The following LEPROT variants were observed in gnomAD, a reference collection of about 807,000 sequenced individuals.
LEPROT encodes the protein leptin receptor overlapping transcript.
Under a neutral mutation model 15.4 loss-of-function variants are expected in LEPROT, and 3 were observed. The ratio of observed to expected loss-of-function variants is 0.19; its 90% confidence interval spans 0.09 to 0.50. LEPROT has a LOEUF of 0.50. Ranked by LOEUF, LEPROT falls within the 20% of genes least tolerant of loss-of-function variation. LEPROT has a pLI of 0.97. For missense variants in LEPROT, 137 were observed against 162.2 expected (o/e 0.84, Z 0.84); for synonymous variants, 59 against 57.5 (o/e 1.03, Z -0.12).
At chr1:65,422,849 G>A (rs1353109890) in intron 1 of LEPROT, among the ~76,000 whole-genome samples, 1 of 152,224 alleles carries the variant, frequency 6.6e-6, no homozygotes, top group African/African-American at 2.4e-5. Flanking sequence ...CTTGTAGGCT[G>A]TGGAAGCAAC....
At position 65,435,129 on chromosome 1, in the gene LEPROT, C is replaced by T; in HGVS notation, c.*3210C>T. The T allele has an allele frequency of 1.0e-6, 1 of 985,372 alleles. No individual in the cohort carries two copies. Among genetic ancestry groups the T allele is most frequent in the Non-Finnish European group, 1.2e-6 (1 of 829,914 alleles). The allele number at this position is 985,372 out of a possible 1,614,324, so 61.0% of individuals were successfully genotyped here. A position where few individuals can be genotyped will look rare whatever the true frequency, so the allele number is the denominator to read the frequency against. On this transcript the variant is annotated 3_prime_UTR_variant, in exon 4 of 4. Transcript: ENST00000371065. ...TATTTTGGGACAGGGAAAATCCTGTCATACCTCATCTCTTCCTCAGGAGGA... is the reference window on the plus strand; with the variant it reads ...TATTTTGGGACAGGGAAAATCCTGTTATACCTCATCTCTTCCTCAGGAGGA...
In LEPROT at chr1:65,429,842, TGCC is replaced by T. The variant is rs1234294615; in HGVS notation, c.93-19_93-17del. ...AACTGTTACTTTTCTTTTTGGATTT[TGCC>T]TGGGTCCAACTGACAGCGTTTACTG... On this transcript the variant is annotated splice_polypyrimidine_tract_variant and intron_variant, in intron 2 of 3. Coordinates refer to ENST00000371065, the MANE Select transcript of LEPROT (RefSeq NM_017526.5). 1 of 1,403,640 alleles carries T rather than the reference TGCC, an allele frequency of 7.1e-7. No homozygotes were observed. The highest frequency in any genetic ancestry group is 9.4e-7 in the Non-Finnish European group (1 of 1,064,806). 86.9% of individuals were successfully genotyped at this position (1,403,640 alleles called of 1,614,324 possible). A position where few individuals can be genotyped will look rare whatever the true frequency, so the allele number is the denominator to read the frequency against.
rs1311450774 is a variant in LEPROT, at chr1:65,425,564, G to C, written c.92+186G>C. Among the ~76,000 whole-genome samples, 3 of 152,310 alleles carry C rather than the reference G, an allele frequency of 2.0e-5. No homozygotes were observed. The East Asian group carries it at 5.8e-4, about 29-fold the overall frequency. On this transcript the variant is annotated intron_variant, in intron 2 of 3. Coordinates refer to ENST00000371065, the MANE Select transcript of LEPROT (RefSeq NM_017526.5). ...GCAGAGGGCTCTGTTAAAAATTGAT[G>C]TATTCATTCCATAAGCATTTGTTTA... is the stretch of plus-strand genomic sequence containing the variant.
rs1049500950 is a variant in LEPROT at position 65,433,328 on chromosome 1, A to G, written c.*1409A>G. The stretch of plus-strand genomic sequence containing the variant: ...GTCTTCCGTCCTGTAGGTCTTTTCT[A>G]TATAACTTTATGCCACCCTTAAATG... On this transcript the variant is annotated 3_prime_UTR_variant, in exon 4 of 4. Transcript: ENST00000371065. 2.0e-6 allele frequency: 2 copies of G among 985,288 alleles called. No homozygotes were observed. Among genetic ancestry groups the G allele is most frequent in the African/African-American group, 1.7e-5 (1 of 57,224 alleles). 61.0% of individuals were successfully genotyped at this position (985,288 alleles called of 1,614,324 possible). A position where few individuals can be genotyped will look rare whatever the true frequency, so the allele number is the denominator to read the frequency against.
At position 65,435,408 on chromosome 1, in the gene LEPROT, C is replaced by G. The variant is rs1372093384; in HGVS notation, c.*3489C>G. On this transcript the variant is annotated 3_prime_UTR_variant, in exon 4 of 4. Transcript: ENST00000371065. ...TTTGAGGCAGAGTCTCGCTCTGTTG[C>G]CCAGGCTGGAGTGCAGTGGTGCGAT... The G allele has an allele frequency of 1.2e-6, 1 of 815,936 alleles. No homozygotes were observed. Among genetic ancestry groups the G allele is most frequent in the Non-Finnish European group, 1.5e-6 (1 of 687,498 alleles). The allele number at this position is 815,936 out of a possible 1,614,324, so 50.5% of individuals were successfully genotyped here. A position where few individuals can be genotyped will look rare whatever the true frequency, so the allele number is the denominator to read the frequency against.
chr1:65,435,782 T>C lies in LEPROT; in HGVS notation c.*3863T>C, dbSNP rs1029715825. The C allele has an allele frequency of 1.9e-5, 19 of 981,002 alleles. No homozygotes were observed. Among genetic ancestry groups the C allele is most frequent in the African/African-American group, 3.5e-5 (2 of 57,140 alleles). 60.8% of individuals were successfully genotyped at this position (981,002 alleles called of 1,614,324 possible). ...GTAATTAGTTCACAACTGAGAAATA[T>C]TATGTCTGTAGTAGATAAATATTAG... is the stretch of plus-strand genomic sequence containing the variant. On this transcript the variant is annotated 3_prime_UTR_variant, in exon 4 of 4. Coordinates refer to ENST00000371065, the MANE Select transcript of LEPROT (RefSeq NM_017526.5).
chr1:65,429,581 A>G (rs9436300), intron 2 of LEPROT, among the ~76,000 whole-genome samples: 104,318 of 152,016 alleles, frequency 0.69, 36,801 homozygotes, highest in African/African-American at 0.79. Context: ...TTCTGTCTTT[A>G]AAGAAATTGT....
chr1:65,432,712 G>A lies in LEPROT; in HGVS notation c.*793G>A. 1 of 856,984 alleles carries A rather than the reference G, an allele frequency of 1.2e-6. No homozygotes were observed. The highest frequency in any genetic ancestry group is 1.4e-6 in the Non-Finnish European group (1 of 713,158). The allele number at this position is 856,984 out of a possible 1,614,324, so 53.1% of individuals were successfully genotyped here. A position where few individuals can be genotyped will look rare whatever the true frequency, so the allele number is the denominator to read the frequency against. ...AAAGGGTACAAAGCCTCAGTTAGGA[G>A]GAATAAGTGTGATTTTTTTTTAAAG... On this transcript the variant is annotated 3_prime_UTR_variant, in exon 4 of 4. Transcript: ENST00000371065.
rs1372093384 is a variant in LEPROT at position 65,435,408 on chromosome 1, C to T, written c.*3489C>T. On this transcript the variant is annotated 3_prime_UTR_variant, in exon 4 of 4. Coordinates refer to ENST00000371065, the MANE Select transcript of LEPROT (RefSeq NM_017526.5). ...TTTGAGGCAGAGTCTCGCTCTGTTG[C>T]CCAGGCTGGAGTGCAGTGGTGCGAT... 1 of 816,026 alleles carries T rather than the reference C, an allele frequency of 1.2e-6. No individual in the cohort carries two copies. Among genetic ancestry groups the T allele is most frequent in the East Asian group, 1.3e-4 (1 of 7,718 alleles). 50.5% of individuals were successfully genotyped at this position (816,026 alleles called of 1,614,324 possible). A position where few individuals can be genotyped will look rare whatever the true frequency, so the allele number is the denominator to read the frequency against.
At chr1:65,425,645 A>G (rs895140088) in intron 2 of LEPROT, among the ~76,000 whole-genome samples, 1 of 113,404 alleles carries the variant, frequency 8.8e-6, no homozygotes, top group African/African-American at 3.9e-5. Context: ...CCTGTCCTCA[A>G]AGAGGAGGTA....
chr1:65,432,724 ATTTT>A lies in LEPROT; in HGVS notation c.*811_*814del. 1.3e-6 allele frequency: 1 copy of A among 780,464 alleles called. No individual in the cohort carries two copies. Among genetic ancestry groups the A allele is most frequent in the Non-Finnish European group, 1.6e-6 (1 of 643,526 alleles). 48.3% of individuals were successfully genotyped at this position (780,464 alleles called of 1,614,324 possible). A position where few individuals can be genotyped will look rare whatever the true frequency, so the allele number is the denominator to read the frequency against. ...GCCTCAGTTAGGAGGAATAAGTGTG[ATTTT>A]TTTTTAAAGATCACTTGCACAGCAT... On this transcript the variant is annotated 3_prime_UTR_variant, in exon 4 of 4. Coordinates refer to ENST00000371065, the MANE Select transcript of LEPROT (RefSeq NM_017526.5).
chr1:65,424,512 G>A (rs563939538), intron 1 of LEPROT, among the ~76,000 whole-genome samples: 8 of 151,672 alleles, frequency 5.3e-5, no homozygotes, highest in Non-Finnish European at 8.8e-5. Flanking sequence ...ATAGGGGTTA[G>A]GTACTGGAAT....
Position 65,435,048 on chromosome 1 carries a change from A to G in LEPROT, c.*3129A>G. 1 of 985,404 alleles carries G rather than the reference A, an allele frequency of 1.0e-6. No homozygotes were observed. Among genetic ancestry groups the G allele is most frequent in the Non-Finnish European group, 1.2e-6 (1 of 829,906 alleles). The allele number at this position is 985,404 out of a possible 1,614,324, so 61.0% of individuals were successfully genotyped here. On this transcript the variant is annotated 3_prime_UTR_variant, in exon 4 of 4. Coordinates refer to ENST00000371065, the MANE Select transcript of LEPROT (RefSeq NM_017526.5). ...TCATAACCCACTGATTCTCATTCAC[A>G]GAGAATGGGAGAACGGAATGAAGAA...
chr1:65,433,072 G>GCCAGCC lies in LEPROT; in HGVS notation c.*1156_*1161dup, dbSNP rs1646510170. On this transcript the variant is annotated 3_prime_UTR_variant, in exon 4 of 4. Transcript: ENST00000371065. ...ATGCGGGCAGGGAGGCTGGGCTCGA[G>GCCAGCC]CCAGCCCCTGCGTTAGCAGGAGGGG... The GCCAGCC allele has an allele frequency of 1.0e-5, 10 of 985,402 alleles. No individual in the cohort carries two copies. The highest frequency in any genetic ancestry group is 1.2e-5 in the Non-Finnish European group (10 of 829,912). The allele number at this position is 985,402 out of a possible 1,614,324, so 61.0% of individuals were successfully genotyped here. A position where few individuals can be genotyped will look rare whatever the true frequency, so the allele number is the denominator to read the frequency against.
intron 2 of LEPROT, among the ~76,000 whole-genome samples, chr1:65,427,061 G>A (rs901853840): frequency 4.6e-5 from 7 of 151,998 alleles, no homozygotes; most frequent in African/African-American, 1.7e-4. Flanking sequence ...TTATGACAGT[G>A]ATGAATTCAA....
intron 1 of LEPROT, among the ~76,000 whole-genome samples, chr1:65,424,544 T>G (rs937796604): frequency 8.6e-6 from 1 of 116,358 alleles, no homozygotes; most frequent in Non-Finnish European, 1.9e-5. Context: ...TTTGTATACT[T>G]TATGATTTCA....
At chr1:65,424,014 G>T (rs569138244) in intron 1 of LEPROT, among the ~76,000 whole-genome samples, 4 of 152,244 alleles carry the variant, frequency 2.6e-5, no homozygotes, top group African/African-American at 9.6e-5. Flanking sequence ...CCATTTTACA[G>T]GTGAGAAATC....
intron 2 of LEPROT, 79 bp downstream of exon 2, chr1:65,425,457 C>A (rs1174399602): frequency 7.4e-6 from 9 of 1,216,294 alleles, no homozygotes; most frequent in South Asian, 1.5e-5. Flanking sequence ...AGAGTTCGGT[C>A]AATTTAGCAC....
chr1:65,432,934 A>G lies in LEPROT; in HGVS notation c.*1015A>G, dbSNP rs778788239. The G allele has an allele frequency of 6.8e-5, 66 of 974,604 alleles. No homozygotes were observed. The highest frequency in any genetic ancestry group is 7.9e-5 in the Non-Finnish European group (65 of 820,222). The allele number at this position is 974,604 out of a possible 1,614,324, so 60.4% of individuals were successfully genotyped here. A position where few individuals can be genotyped will look rare whatever the true frequency, so the allele number is the denominator to read the frequency against. ...TAAAAATATACAATAATTTGTCAAT[A>G]TATAATCAAAATAAAAAACAAAACA... On this transcript the variant is annotated 3_prime_UTR_variant, in exon 4 of 4. Coordinates refer to ENST00000371065, the MANE Select transcript of LEPROT (RefSeq NM_017526.5).
Sources: gnomAD v4.1 joint callset for allele counts (sites outside exome capture counted in the v4.1 genomes callset) on GRCh38, gnomAD v4.1.1 for gene constraint, MANE v1.5 for transcripts, NCBI Gene and HGNC (gene_info 2026-07-23, HGNC 2026-07-21) for gene names.